Variants in SLC7A8 observed in about 807,000 individuals in gnomAD.
SLC7A8 encodes the protein large neutral amino acids transporter small subunit 2.
A neutral mutation model predicts 51.2 loss-of-function variants in SLC7A8; 30 were observed. That is an observed-to-expected ratio of 0.59 (90% CI 0.44 to 0.80). SLC7A8 has a LOEUF of 0.80. Among genes scored for constraint, SLC7A8 ranks in the 30% least tolerant of loss-of-function variants. The probability of loss-of-function intolerance (pLI) is 0.00; values close to 1 mark genes in which losing one functional copy is unlikely to be tolerated. For synonymous variants in SLC7A8, 257 were observed against 275.8 expected (o/e 0.93, Z 0.67); for missense variants, 612 against 674.4 (o/e 0.91, Z 1.03).
Position 23,139,474 on chromosome 14 carries a change from C to A in SLC7A8, c.862G>T (p.Val288Phe). The A allele has an allele frequency of 5.6e-6, 9 of 1,614,126 alleles. No individual in the cohort carries two copies. Among genetic ancestry groups the A allele is most frequent in the Non-Finnish European group, 7.6e-6 (9 of 1,180,008 alleles). Residue 288 changes from valine (V) to phenylalanine (F), a missense_variant, in exon 6 of 11, where the codon GTC (valine) becomes TTC (phenylalanine). Coordinates refer to ENST00000316902, the MANE Select transcript of SLC7A8 (RefSeq NM_012244.4). ...FVYVFANVAY[V>F]TAMSPQELLA... ...AGCTCCTGGGGGGACATTGCAGTGA[C>A]ATAAGCGACATTGGCAAAGACATAC...
At chr14:23,148,259 G>A (rs560491580) in intron 3 of SLC7A8, among the ~76,000 whole-genome samples, 47 of 151,902 alleles carry the variant, frequency 3.1e-4, no homozygotes, top group African/African-American at 1.0e-3. Flanking sequence ...ACAGAGTTTC[G>A]CTCTTGTTGC....
chr14:23,159,871 A>G (rs2048912643), intron 3 of SLC7A8, among the ~76,000 whole-genome samples: 1 of 152,240 alleles, frequency 6.6e-6, no homozygotes, highest in Non-Finnish European at 1.5e-5. Flanking sequence ...TCTCAGTAGA[A>G]AGATAGAAAA....
intron 1 of SLC7A8, among the ~76,000 whole-genome samples, chr14:23,182,081 C>T (rs898972436): frequency 6.6e-6 from 1 of 152,176 alleles, no homozygotes; most frequent in African/African-American, 2.4e-5. Context: ...TTCACCGGGT[C>T]CTCCGTGGCT....
intron 1 of SLC7A8, among the ~76,000 whole-genome samples, chr14:23,177,504 T>C (rs769472670): frequency 1.6e-4 from 25 of 152,380 alleles, no homozygotes; most frequent in Admixed American, 2.6e-4. Flanking sequence ...GGCTGCCTGA[T>C]TCACAAATTG....
In SLC7A8 at chr14:23,165,654, C is replaced by T. The variant is rs750937806; in HGVS notation, c.357-218G>A. ...CCACAAGCACTAACACAAGTCTTGGCGTTCTTCCTTTCTCTCCTCTCCTTT... is the reference window on the plus strand; with the variant it reads ...CCACAAGCACTAACACAAGTCTTGGTGTTCTTCCTTTCTCTCCTCTCCTTT... On this transcript the variant is annotated intron_variant, in intron 2 of 10. Transcript: ENST00000316902. The surrounding 1 kb of genome is among the most constrained non-coding windows in gnomAD (Gnocchi z 4.2). Among the ~76,000 whole-genome samples, 46 of 152,254 alleles carry T rather than the reference C, an allele frequency of 3.0e-4. No homozygotes were observed. Among genetic ancestry groups the T allele is most frequent in the Middle Eastern group, 3.4e-3 (1 of 294 alleles).
At chr14:23,140,276 T>C (rs1203678899) in intron 5 of SLC7A8, among the ~76,000 whole-genome samples, 195 bp downstream of exon 5, 1 of 152,160 alleles carries the variant, frequency 6.6e-6, no homozygotes, top group East Asian at 1.9e-4. Context: ...ACTGGATCCT[T>C]TCCTCCTCCT....
rs2048602243 is a variant in SLC7A8, at chr14:23,128,547, G to A, written c.1264-351C>T. On this transcript the variant is annotated intron_variant, in intron 9 of 10. Transcript: ENST00000316902. This position sits in a 1 kb window ranked among gnomAD's most constrained non-coding sequence, Gnocchi z 4.3. The stretch of plus-strand genomic sequence containing the variant: ...CCCACAGGGATGGAGAAGCTTGCTG[G>A]CACATGGGTGTGTCTGCTGAGGTCC... 1.3e-5 allele frequency among the ~76,000 whole-genome samples: 2 copies of A among 152,222 alleles called. No homozygotes were observed. Among genetic ancestry groups the A allele is most frequent in the African/African-American group, 4.8e-5 (2 of 41,454 alleles).
chr14:23,180,619 G>A (rs989304012), intron 1 of SLC7A8, among the ~76,000 whole-genome samples: 4 of 152,176 alleles, frequency 2.6e-5, no homozygotes, highest in Non-Finnish European at 5.9e-5. Flanking sequence ...ACCATGGGGA[G>A]CTTTGAGATT....
intron 1 of SLC7A8, among the ~76,000 whole-genome samples, chr14:23,182,214 G>A (rs1244414368): frequency 6.6e-6 from 1 of 152,164 alleles, no homozygotes; most frequent in Non-Finnish European, 1.5e-5. Flanking sequence ...GGGAATAACA[G>A]CCCTGTCACA....
In SLC7A8 at chr14:23,179,906, C is replaced by CT. The variant is rs33938109; in HGVS notation, c.151+2857dup. On this transcript the variant is annotated intron_variant, in intron 1 of 10. Transcript: ENST00000316902. ...TAGAAAACTTCCTTTCTCTTTTTGA[C>CT]TTTTTTTTTTTTTTTTTGAGATGGA... is the stretch of plus-strand genomic sequence containing the variant. 9.1e-3 allele frequency among the ~76,000 whole-genome samples: 1,198 copies of CT among 131,112 alleles called. 19 individuals carry two copies. The highest frequency in any genetic ancestry group is 0.027 in the African/African-American group (899 of 32,960). The allele number at this position is 131,112 out of a possible 152,430, so 86.0% of individuals were successfully genotyped here. A position where few individuals can be genotyped will look rare whatever the true frequency, so the allele number is the denominator to read the frequency against.
At chr14:23,166,271 G>A in intron 2 of SLC7A8, 65 bp downstream of exon 2, 1 of 1,566,694 alleles carries the variant, frequency 6.4e-7, no homozygotes. Context: ...TTTCCAATCT[G>A]ACCTCCTTCT....
In SLC7A8 at chr14:23,178,864, A is replaced by G. The variant is rs189050267; in HGVS notation, c.151+3900T>C. Among the ~76,000 whole-genome samples, 261 of 147,604 alleles carry G rather than the reference A, an allele frequency of 1.8e-3. 1 individual carries two copies. The highest frequency in any genetic ancestry group is 6.1e-3 in the African/African-American group (244 of 39,970). Reference sequence around the variant, plus strand: ...TGCACCACTGTACTCCAGCCTGGTTAACAGAGTGAGATCTTGTCTCCAAAA... The same window carrying G: ...TGCACCACTGTACTCCAGCCTGGTTGACAGAGTGAGATCTTGTCTCCAAAA... On this transcript the variant is annotated intron_variant, in intron 1 of 10. Transcript: ENST00000316902.
intron 3 of SLC7A8, among the ~76,000 whole-genome samples, chr14:23,147,674 T>G (rs2048810180): frequency 6.6e-6 from 1 of 152,208 alleles, no homozygotes; most frequent in East Asian, 1.9e-4. Flanking sequence ...CCTCTTTCTT[T>G]CTTGCTTCCT....
chr14:23,168,993 A>G (rs899846256), intron 1 of SLC7A8, among the ~76,000 whole-genome samples: 2 of 152,166 alleles, frequency 1.3e-5, no homozygotes, highest in African/African-American at 2.4e-5. Context: ...TTGGAATAAG[A>G]GTCCTCACTT....
In SLC7A8 at chr14:23,155,491, C is replaced by T. The variant is rs2048886353; in HGVS notation, c.508+9794G>A. ...TTAGCTCAGCCAAGAGGCAGGAATA[C>T]CCAGCTCAGCATTTTCCAAGAGCTG... On this transcript the variant is annotated intron_variant, in intron 3 of 10. Coordinates refer to ENST00000316902, the MANE Select transcript of SLC7A8 (RefSeq NM_012244.4). The T allele has an allele frequency of 2.9e-6, 4 of 1,402,056 alleles. 1 individual carries two copies. The highest frequency in any genetic ancestry group is 1.6e-5 in the South Asian group (1 of 61,204). The allele number at this position is 1,402,056 out of a possible 1,614,324, so 86.9% of individuals were successfully genotyped here.
At chr14:23,182,733 G>A (rs373361894) in intron 1 of SLC7A8, 31 bp downstream of exon 1, 3 of 1,525,656 alleles carry the variant, frequency 2.0e-6, no homozygotes, top group South Asian at 1.3e-5. Flanking sequence ...AGAGGGGAGA[G>A]GAGGGGTCCG....
At chr14:23,159,036 T>C (rs886760941) in intron 3 of SLC7A8, among the ~76,000 whole-genome samples, 10 of 152,194 alleles carry the variant, frequency 6.6e-5, no homozygotes, top group African/African-American at 2.4e-4. Flanking sequence ...AGCACTGTCT[T>C]CCCAACTTTG....
At chr14:23,137,893 G>C (rs1346722751) in intron 7 of SLC7A8, 28 bp downstream of exon 7, 2 of 1,609,818 alleles carry the variant, frequency 1.2e-6, no homozygotes, top group Admixed American at 3.4e-5. Flanking sequence ...GTGGCCCCTG[G>C]CCGGGGAAGG....
At chr14:23,145,238 C>T (rs1026570104) in intron 3 of SLC7A8, among the ~76,000 whole-genome samples, 31 of 150,930 alleles carry the variant, frequency 2.1e-4, no homozygotes, top group Admixed American at 1.3e-3. Context: ...ATTAAAATGA[C>T]CTGCTTCTGG....
Sources: allele counts gnomAD v4.1 joint callset (sites outside exome capture counted in the v4.1 genomes callset), GRCh38; gene constraint gnomAD v4.1.1; non-coding constraint Gnocchi (gnomAD v3.1); transcripts MANE v1.5; gene names NCBI Gene and HGNC (gene_info 2026-07-23, HGNC 2026-07-21).